The following SPATA6 variants were observed in gnomAD, a reference collection of about 807,000 sequenced individuals.
The protein encoded by SPATA6 is spermatogenesis associated 6, also known as spermatogenesis-associated protein 6.
SPATA6 carries 56 observed loss-of-function variants against 65.3 expected under a neutral mutation model. The ratio of observed to expected loss-of-function variants is 0.86; its 90% CI spans 0.69 to 1.07. The LOEUF is 1.07. Among genes scored for constraint, SPATA6 ranks in the 50% least tolerant of loss-of-function variants. The probability of loss-of-function intolerance (pLI) is 0.00; values close to 1 mark genes in which losing one functional copy is unlikely to be tolerated. For synonymous variants in SPATA6, 199 were observed against 213.2 expected (o/e 0.93, Z 0.58); for missense variants, 590 against 594.8 (o/e 0.99, Z 0.08).
chr1:48,356,145 C>T (rs1646653354), intron 10 of SPATA6, among the ~76,000 whole-genome samples: 1 of 152,042 alleles, frequency 6.6e-6, no homozygotes, highest in African/African-American at 2.4e-5. Context: ...TAATCATGCT[C>T]ATTTTTTCAG....
rs1290844666 is a variant in SPATA6, at chr1:48,467,757, A to G, written c.51+4201T>C. On this transcript the variant is annotated intron_variant, in intron 1 of 12. Transcript: ENST00000371847. ...AAAAATGGGCAAGAGGTCTGACTAG[A>G]TATCTCAAATGGCCAACAGGTGTAT... is the stretch of plus-strand genomic sequence containing the variant. Among the ~76,000 whole-genome samples, 3 of 152,186 alleles carry G rather than the reference A, an allele frequency of 2.0e-5. No homozygotes were observed. The South Asian group carries it at 6.2e-4, about 31-fold the overall frequency.
chr1:48,283,635 C>T, the SPATA6 span, among the ~76,000 whole-genome samples: 18 of 130,236 alleles, frequency 1.4e-4, no homozygotes, highest in East Asian at 3.3e-3. Context: ...GTCGAGATCA[C>T]GCCACTGCAA....
chr1:48,344,659 G>C (rs1219235573), intron 11 of SPATA6, among the ~76,000 whole-genome samples: 1 of 152,100 alleles, frequency 6.6e-6, no homozygotes, highest in Non-Finnish European at 1.5e-5. Context: ...ACACACATAG[G>C]CTTAAAATAA....
the SPATA6 span, among the ~76,000 whole-genome samples, chr1:48,267,204 T>G: frequency 1.3e-5 from 2 of 152,078 alleles, no homozygotes; most frequent in Non-Finnish European, 2.9e-5. Flanking sequence ...AGGGTGTGCA[T>G]GCAGACGGGC....
intron 3 of SPATA6, among the ~76,000 whole-genome samples, chr1:48,433,846 A>C (rs1654627700): frequency 6.6e-6 from 1 of 152,274 alleles, no homozygotes; most frequent in South Asian, 2.1e-4. Context: ...GGGCTTCAAA[A>C]AAGACTTTAC....
the SPATA6 span, among the ~76,000 whole-genome samples, chr1:48,272,156 T>G: frequency 6.6e-6 from 1 of 152,178 alleles, no homozygotes; most frequent in African/African-American, 2.4e-5. Context: ...AATTAACATA[T>G]CCATCACCTC....
rs1644824155 is a variant in SPATA6, at chr1:48,297,022, C to T, written c.*1691G>A. The T allele has an allele frequency of 1.3e-5, 2 of 151,608 alleles. No homozygotes were observed. Among genetic ancestry groups the T allele is most frequent in the African/African-American group, 4.8e-5 (2 of 41,254 alleles). The allele number at this position is 151,608 out of a possible 1,614,324, so 9.4% of individuals were successfully genotyped here. A position where few individuals can be genotyped will look rare whatever the true frequency, so the allele number is the denominator to read the frequency against. On this transcript the variant is annotated 3_prime_UTR_variant, in exon 13 of 13. Transcript: ENST00000371847. ...TACTGTTCACAATGAGCACAGTGACCATATATCCTAATTTGCTGTAGACAG... is the reference window on the plus strand; with the variant it reads ...TACTGTTCACAATGAGCACAGTGACTATATATCCTAATTTGCTGTAGACAG...
intron 11 of SPATA6, among the ~76,000 whole-genome samples, chr1:48,322,059 C>T (rs753948942): frequency 3.3e-5 from 5 of 151,340 alleles, no homozygotes; most frequent in South Asian, 2.1e-4. Context: ...TTTAAAAAGA[C>T]GACAAGTAGG....
intron 12 of SPATA6, 136 bp downstream of exon 12, chr1:48,305,651 A>C (rs1570005840): frequency 1.6e-6 from 1 of 609,272 alleles, no homozygotes; most frequent in Non-Finnish European, 2.6e-6. Flanking sequence ...AAACATTAAA[A>C]TTTTAATAGG....
At chr1:48,422,110 G>C (rs1274777068) in intron 3 of SPATA6, among the ~76,000 whole-genome samples, 6 of 152,142 alleles carry the variant, frequency 3.9e-5, no homozygotes, top group Non-Finnish European at 8.8e-5. Context: ...GAGGATGGGA[G>C]AGTATAGAAA....
chr1:48,361,403 G>T (rs1393566098), intron 9 of SPATA6, among the ~76,000 whole-genome samples: 1 of 152,088 alleles, frequency 6.6e-6, no homozygotes. Context: ...TTGGATGTTA[G>T]TAACAGTGAA....
chr1:48,429,642 CG>C (rs1480200440), intron 3 of SPATA6, among the ~76,000 whole-genome samples: 1 of 151,876 alleles, frequency 6.6e-6, no homozygotes, highest in African/African-American at 2.4e-5. Flanking sequence ...GAAAATAAAT[CG>C]GCAGAAACTA....
At chr1:48,396,912 T>C (rs1295447651) in intron 7 of SPATA6, among the ~76,000 whole-genome samples, 2 of 151,600 alleles carry the variant, frequency 1.3e-5, no homozygotes, top group African/African-American at 2.4e-5. Context: ...ATGGTTAAAA[T>C]GGTAAATTTT....
chr1:48,310,636 C>T (rs115084499), intron 11 of SPATA6, among the ~76,000 whole-genome samples: 1,862 of 152,088 alleles, frequency 0.012, 46 homozygotes, highest in African/African-American at 0.043. Flanking sequence ...GTGTACAGTT[C>T]GAAGACAGCA....
intron 9 of SPATA6, among the ~76,000 whole-genome samples, chr1:48,364,856 G>C (rs915174168): frequency 5.9e-5 from 9 of 152,168 alleles, no homozygotes; most frequent in Non-Finnish European, 1.0e-4. Flanking sequence ...TGGTGTTTTA[G>C]ACATGAAGTC....
chr1:48,438,771 T>TA (rs1163832857), intron 3 of SPATA6, among the ~76,000 whole-genome samples: 1 of 152,198 alleles, frequency 6.6e-6, no homozygotes, highest in Non-Finnish European at 1.5e-5. Flanking sequence ...GGTGCTTTTC[T>TA]AGTTTCTCCT....
At chr1:48,278,016 C>A in the SPATA6 span, among the ~76,000 whole-genome samples, 1 of 152,158 alleles carries the variant, frequency 6.6e-6, no homozygotes, top group African/African-American at 2.4e-5. Context: ...GCAGCATTCA[C>A]GGTTCAAGAA....
In SPATA6 at chr1:48,442,696, GAGAA is replaced by G. The variant is rs372956724; in HGVS notation, c.238+8852_238+8855del. On this transcript the variant is annotated intron_variant, in intron 3 of 12. Coordinates refer to ENST00000371847, the MANE Select transcript of SPATA6 (RefSeq NM_019073.4). ...GAGAGAAAGAGAAAGACAAGTCAAA[GAGAA>G]AGAGAGATGGAAGTAGTAAAAAAAA... is the stretch of plus-strand genomic sequence containing the variant. Among the ~76,000 whole-genome samples the G allele has an allele frequency of 6.2e-3, 415 of 66,762 alleles. 3 individuals carry two copies. The highest frequency in any genetic ancestry group is 0.022 in the African/African-American group (385 of 17,332). The allele number at this position is 66,762 out of a possible 152,430, so 43.8% of individuals were successfully genotyped here.
At position 48,312,364 on chromosome 1, in the gene SPATA6, T is replaced by C. The variant is rs1645244501; in HGVS notation, c.1195-6486A>G. On this transcript the variant is annotated intron_variant, in intron 11 of 12. Coordinates refer to ENST00000371847, the MANE Select transcript of SPATA6 (RefSeq NM_019073.4). ...TGAGACAAAACTTCCAGAGGAAAGA[T>C]CAGGCAGCAACATTTGCTGTTCACC... Among the ~76,000 whole-genome samples the C allele has an allele frequency of 3.3e-5, 5 of 152,238 alleles. No homozygotes were observed. In the South Asian group the frequency reaches 1.0e-3, roughly 32 times the overall value.
Sources: gnomAD v4.1 joint callset for allele counts (sites outside exome capture counted in the v4.1 genomes callset) on GRCh38, gnomAD v4.1.1 for gene constraint, MANE v1.5 for transcripts, NCBI Gene and HGNC (gene_info 2026-07-23, HGNC 2026-07-21) for gene names.